PTPRG: variants seen among roughly 807,000 people sequenced by gnomAD.
The protein encoded by PTPRG is protein tyrosine phosphatase receptor type G, also known as receptor-type tyrosine-protein phosphatase gamma.
PTPRG carries 102 observed loss-of-function variants against 165.3 expected under a neutral mutation model. That is an observed-to-expected ratio of 0.62 (90% CI 0.53 to 0.73). PTPRG has a LOEUF of 0.73. Ranked by LOEUF, PTPRG falls within the 30% of genes least tolerant of loss-of-function variation. The pLI is 0.00. For missense variants in PTPRG, 1,866 were observed against 1,861.4 expected, an observed-to-expected ratio of 1.00 and a Z score of -0.05; for synonymous variants, 675 against 669.5, an observed-to-expected ratio of 1.01 and a Z score of -0.13.
chr3:62,060,888 T>G (rs1270121114), intron 4 of PTPRG, among the ~76,000 whole-genome samples: 9 of 152,216 alleles, frequency 5.9e-5, no homozygotes, highest in Non-Finnish European at 1.0e-4. Context: ...GTAACTTGCC[T>G]TATCATTGGC....
intron 2 of PTPRG, among the ~76,000 whole-genome samples, chr3:61,958,875 G>A (rs777324487): frequency 6.6e-6 from 1 of 152,156 alleles, no homozygotes; most frequent in Non-Finnish European, 1.5e-5. Flanking sequence ...ACTTACTTTA[G>A]GCAAAGGCAG....
At chr3:62,263,107 A>G in intron 17 of PTPRG, 1 of 467,324 alleles carries the variant, frequency 2.1e-6, no homozygotes, top group Admixed American at 4.1e-5. Flanking sequence ...AGCGAGCTTA[A>G]TAAGGTGACT....
chr3:62,288,009 C>T (rs947172948), intron 28 of PTPRG, among the ~76,000 whole-genome samples: 2 of 152,042 alleles, frequency 1.3e-5, no homozygotes, highest in Non-Finnish European at 2.9e-5. Flanking sequence ...GAAATCCTTA[C>T]ATCTAGGATT....
At chr3:62,152,767 A>G (rs866840409) in intron 6 of PTPRG, among the ~76,000 whole-genome samples, 1 of 152,196 alleles carries the variant, frequency 6.6e-6, no homozygotes, top group African/African-American at 2.4e-5. Flanking sequence ...AACATATAGC[A>G]TAATTCCCCC....
intron 2 of PTPRG, among the ~76,000 whole-genome samples, chr3:61,859,538 A>G (rs1326900320): frequency 1.3e-5 from 2 of 151,522 alleles, no homozygotes; most frequent in Non-Finnish European, 2.9e-5. Flanking sequence ...TGTTTAAGCG[A>G]AATTCTATGA....
intron 4 of PTPRG, among the ~76,000 whole-genome samples, chr3:62,010,571 G>C (rs1174440402): frequency 2.0e-5 from 3 of 151,858 alleles, no homozygotes; most frequent in Non-Finnish European, 4.4e-5. Context: ...GCCCAGGCTG[G>C]TAGTGCTGGC....
chr3:61,842,731 C>T (rs62243195), intron 2 of PTPRG, among the ~76,000 whole-genome samples: 18,691 of 149,416 alleles, frequency 0.13, 1,710 homozygotes, highest in East Asian at 0.48. Flanking sequence ...TGGAAAGTGG[C>T]AGAGTAATAT....
chr3:61,638,018 A>C (rs889070040), intron 1 of PTPRG, among the ~76,000 whole-genome samples: 4 of 152,308 alleles, frequency 2.6e-5, no homozygotes, highest in Admixed American at 6.5e-5. Context: ...TGGAATTTTA[A>C]GGACGTAATT....
intron 2 of PTPRG, among the ~76,000 whole-genome samples, chr3:61,888,935 C>G (rs1048888316): frequency 6.6e-6 from 1 of 152,120 alleles, no homozygotes; most frequent in Non-Finnish European, 1.5e-5. Flanking sequence ...TTCCCTGATA[C>G]TTCTTTGTGA....
Position 62,076,861 on chromosome 3 carries a change from G to A in PTPRG, c.520-1302G>A, listed in dbSNP as rs550832466. ...CTCCCAAAGTGCTGGGATTACAGGC[G>A]TGAGCCACTGCATCCAACTGTTCTC... On this transcript the variant is annotated intron_variant, in intron 4 of 29. Coordinates refer to ENST00000474889, the MANE Select transcript of PTPRG (RefSeq NM_002841.4). Among the ~76,000 whole-genome samples the A allele has an allele frequency of 1.4e-4, 22 of 152,314 alleles. No homozygotes were observed. The South Asian group carries it at 2.5e-3, about 17-fold the overall frequency.
chr3:61,805,530 C>CAAAAAAAAAAAAAAAA (rs58646519), intron 2 of PTPRG, among the ~76,000 whole-genome samples: 3 of 96,530 alleles, frequency 3.1e-5, no homozygotes, highest in Non-Finnish European at 6.9e-5. Context: ...ATGGGAAAGA[C>CAAAAAAAAAAAAAAAA]AAAAAAAAAA....
chr3:61,885,493 G>A (rs897902536), intron 2 of PTPRG, among the ~76,000 whole-genome samples: 5 of 150,476 alleles, frequency 3.3e-5, no homozygotes, highest in African/African-American at 7.3e-5. Context: ...ATCCTACTTC[G>A]TTGTTATCCT....
intron 1 of PTPRG, among the ~76,000 whole-genome samples, chr3:61,638,681 G>T (rs368545613): frequency 7.4e-6 from 1 of 135,966 alleles, no homozygotes. Flanking sequence ...CAAGTGATCT[G>T]CCTGCCTTGA....
chr3:61,904,662 A>C (rs2038595735), intron 2 of PTPRG, among the ~76,000 whole-genome samples: 1 of 152,124 alleles, frequency 6.6e-6, no homozygotes, highest in South Asian at 2.1e-4. Flanking sequence ...TTAAATTGTT[A>C]CTCAGAATTT....
intron 6 of PTPRG, among the ~76,000 whole-genome samples, chr3:62,148,977 CATAT>C (rs978390502): frequency 6.6e-6 from 1 of 152,036 alleles, no homozygotes; most frequent in African/African-American, 2.4e-5. Flanking sequence ...GTTTTCCTCT[CATAT>C]ATAAGACAAA....
At chr3:61,869,693 C>A (rs564828950) in intron 2 of PTPRG, among the ~76,000 whole-genome samples, 1 of 152,144 alleles carries the variant, frequency 6.6e-6, no homozygotes, top group African/African-American at 2.4e-5. Flanking sequence ...ATCTTCCCCC[C>A]TCAGCCTCCC....
Position 62,130,257 on chromosome 3 carries a change from C to T in PTPRG, c.616-2345C>T, listed in dbSNP as rs13320755. Among the ~76,000 whole-genome samples the T allele has an allele frequency of 9.8e-3, 1,494 of 152,254 alleles. 26 individuals carry two copies. The highest frequency in any genetic ancestry group is 0.034 in the African/African-American group (1,426 of 41,540). ...ACTACCTATGTCTACTCCTTGTAGT[C>T]GCTCATCCTTTAATAGGCTAACTTG... On this transcript the variant is annotated intron_variant, in intron 5 of 29. Coordinates refer to ENST00000474889, the MANE Select transcript of PTPRG (RefSeq NM_002841.4).
rs530081738 is a variant in PTPRG, at chr3:62,209,776, A to G, written c.2155+5826A>G. Reference sequence around the variant, plus strand: ...AAGTATCTGGGTCCTTGGAGTTTCTATTGCCCACTGAACGATCTTTGAATT... The same window carrying G: ...AAGTATCTGGGTCCTTGGAGTTTCTGTTGCCCACTGAACGATCTTTGAATT... On this transcript the variant is annotated intron_variant, in intron 12 of 29. Transcript: ENST00000474889. Among the ~76,000 whole-genome samples, 4 of 152,276 alleles carry G rather than the reference A, an allele frequency of 2.6e-5. No individual in the cohort carries two copies. The South Asian group carries it at 8.3e-4, about 32-fold the overall frequency.
At chr3:62,193,874 C>A (rs1452535417) in intron 9 of PTPRG, among the ~76,000 whole-genome samples, 8 of 152,216 alleles carry the variant, frequency 5.3e-5, no homozygotes, top group African/African-American at 1.9e-4. Context: ...GATGATAAGA[C>A]AACTCATCTA....
Sources: gnomAD v4.1 joint callset for allele counts (sites outside exome capture counted in the v4.1 genomes callset) on GRCh38, gnomAD v4.1.1 for gene constraint, MANE v1.5 for transcripts, NCBI Gene and HGNC (gene_info 2026-07-23, HGNC 2026-07-21) for gene names.